TRHDE: variants seen among roughly 807,000 people sequenced by gnomAD.
TRHDE encodes thyrotropin releasing hormone degrading enzyme.
In TRHDE, 72 loss-of-function variants were observed where a neutral mutation model predicts 125.7. That is an observed-to-expected ratio of 0.57 (90% CI 0.47 to 0.70). The LOEUF (loss-of-function observed/expected upper bound fraction) is 0.70, where lower values mean the gene tolerates loss of function less well. Among genes scored for constraint, TRHDE ranks in the 30% least tolerant of loss-of-function variants. The pLI, the probability that TRHDE is intolerant of heterozygous loss-of-function variation, is 0.00. For missense variants in TRHDE, 1,110 were observed against 1,327.1 expected, an observed-to-expected ratio of 0.84 and a Z score of 2.54; for synonymous variants, 509 against 509.1, an observed-to-expected ratio of 1.00 and a Z score of 0.00.
At chr12:72,587,787 A>G (rs987534113) in intron 12 of TRHDE, among the ~76,000 whole-genome samples, 2 of 152,182 alleles carry the variant, frequency 1.3e-5, no homozygotes, top group Non-Finnish European at 2.9e-5. Flanking sequence ...TGATGCAGAA[A>G]TTTTAAAATA....
intron 7 of TRHDE, among the ~76,000 whole-genome samples, chr12:72,557,099 C>T (rs1306759372): frequency 1.3e-5 from 2 of 152,116 alleles, no homozygotes; most frequent in Non-Finnish European, 2.9e-5. Flanking sequence ...TCAAACAATG[C>T]CTCCTTAAGA....
chr12:72,104,887 A>G (rs529179722), intron 1 of TRHDE, among the ~76,000 whole-genome samples: 2 of 152,298 alleles, frequency 1.3e-5, no homozygotes, highest in South Asian at 4.1e-4. Context: ...CCATATTTCC[A>G]CTTCACATCT....
chr12:72,609,080 A>G (rs1872549713), intron 12 of TRHDE, among the ~76,000 whole-genome samples: 1 of 152,212 alleles, frequency 6.6e-6, no homozygotes, highest in African/African-American at 2.4e-5. Context: ...AATGTTGGCT[A>G]TCACAGTGCC....
intron 12 of TRHDE, among the ~76,000 whole-genome samples, chr12:72,597,737 ATATATATATATATATATATATG>A (rs1344890110): frequency 3.6e-4 from 3 of 8,274 alleles, no homozygotes; most frequent in African/African-American, 9.1e-4. Context: ...ATATATATAT[ATATATATATATATATATATATG>A]CATACACACA....
intron 2 of TRHDE, among the ~76,000 whole-genome samples, chr12:72,375,285 C>T (rs1332505085): frequency 6.6e-6 from 1 of 152,086 alleles, no homozygotes; most frequent in African/African-American, 2.4e-5. Context: ...TTTTATTGTT[C>T]TATTTCTATT....
chr12:72,599,491 A>G (rs1872119519), intron 12 of TRHDE, among the ~76,000 whole-genome samples: 1 of 151,894 alleles, frequency 6.6e-6, no homozygotes, highest in Non-Finnish European at 1.5e-5. Flanking sequence ...GTCATTTTTC[A>G]TGTTTCTTGG....
intron 2 of TRHDE, among the ~76,000 whole-genome samples, chr12:72,377,354 A>T: frequency 6.6e-6 from 1 of 151,640 alleles, no homozygotes. Flanking sequence ...GCTTGCTTTA[A>T]AAATCAATAT....
chr12:72,472,869 C>T (rs960435818), intron 4 of TRHDE, among the ~76,000 whole-genome samples, 198 bp from the exon 5 acceptor site: 2 of 152,116 alleles, frequency 1.3e-5, no homozygotes, highest in Non-Finnish European at 2.9e-5. Context: ...TCTCTGAAAG[C>T]ATGTATAAAA....
chr12:72,197,445 T>C (rs973565883), intron 2 of TRHDE, among the ~76,000 whole-genome samples: 2 of 152,164 alleles, frequency 1.3e-5, no homozygotes, highest in Admixed American at 1.3e-4. Flanking sequence ...TAATTTTTTA[T>C]GGCTATACTT....
intron 2 of TRHDE, among the ~76,000 whole-genome samples, chr12:72,373,953 C>T (rs370727425): frequency 3.9e-4 from 59 of 152,130 alleles, no homozygotes; most frequent in Non-Finnish European, 7.2e-4. Flanking sequence ...CAGAAGAGTG[C>T]GTGATTTGAA....
At chr12:72,377,886 G>A in intron 2 of TRHDE, 109 bp from the exon 3 acceptor site, 2 of 758,338 alleles carry the variant, frequency 2.6e-6, no homozygotes, top group Non-Finnish European at 3.9e-6. Flanking sequence ...CGAGAATCCT[G>A]TTTAAGTTTT....
At chr12:72,355,023 AT>A (rs1169328360) in intron 2 of TRHDE, among the ~76,000 whole-genome samples, 1 of 151,552 alleles carries the variant, frequency 6.6e-6, no homozygotes, top group Non-Finnish European at 1.5e-5. Context: ...GCCAATATTG[AT>A]TAAGTTCCTG....
At chr12:72,124,644 T>C (rs967905931) in intron 2 of TRHDE, among the ~76,000 whole-genome samples, 1 of 152,204 alleles carries the variant, frequency 6.6e-6, no homozygotes, top group African/African-American at 2.4e-5. Context: ...AATTGAGTGA[T>C]TATATCATAC....
At chr12:72,495,421 A>G (rs1464153039) in intron 5 of TRHDE, among the ~76,000 whole-genome samples, 6 of 151,984 alleles carry the variant, frequency 3.9e-5, no homozygotes, top group Non-Finnish European at 7.4e-5. Flanking sequence ...CCTTTCTTTC[A>G]TGTTTCCTCT....
At chr12:72,324,453 AC>A (rs1164205446) in intron 2 of TRHDE, among the ~76,000 whole-genome samples, 1 of 152,052 alleles carries the variant, frequency 6.6e-6, no homozygotes, top group African/African-American at 2.4e-5. Flanking sequence ...AGAGGTAAAA[AC>A]GTCATGAAGG....
intron 6 of TRHDE, among the ~76,000 whole-genome samples, chr12:72,515,612 G>A (rs1878812618): frequency 6.6e-6 from 1 of 152,088 alleles, no homozygotes. Context: ...CTGATTGGTA[G>A]TTTCTTTTGC....
At chr12:72,364,492 G>A (rs1871262026) in intron 2 of TRHDE, among the ~76,000 whole-genome samples, 1 of 151,894 alleles carries the variant, frequency 6.6e-6, no homozygotes, top group African/African-American at 2.4e-5. Context: ...TTCCATAGTA[G>A]GGATTTCTAC....
chr12:72,498,714 AGTTT>A (rs1372045000), intron 5 of TRHDE, among the ~76,000 whole-genome samples: 1 of 152,142 alleles, frequency 6.6e-6, no homozygotes, highest in East Asian at 1.9e-4. Flanking sequence ...CTTTTTCCTT[AGTTT>A]ATTTTTTAAC....
chr12:72,148,421 A>G (rs1876278122), intron 2 of TRHDE, among the ~76,000 whole-genome samples: 2 of 152,226 alleles, frequency 1.3e-5, no homozygotes, highest in African/African-American at 4.8e-5. Context: ...TGGGCATAAC[A>G]AATTTCATCC....
Sources: allele counts gnomAD v4.1 joint callset (sites outside exome capture counted in the v4.1 genomes callset), GRCh38; gene constraint gnomAD v4.1.1; transcripts MANE v1.5; gene names NCBI Gene and HGNC (gene_info 2026-07-23, HGNC 2026-07-21).